The following GOLGA7 variants were observed in gnomAD, a reference collection of about 807,000 sequenced individuals.
GOLGA7 encodes the protein golgin A7, also known as golgin subfamily A member 7.
In GOLGA7, 10 loss-of-function variants were observed where a neutral mutation model predicts 21.1. The observed-to-expected ratio is 0.47, with a 90% CI of 0.29 to 0.80. The LOEUF (loss-of-function observed/expected upper bound fraction) is 0.80. Ranked by LOEUF, GOLGA7 falls within the 30% of genes least tolerant of loss-of-function variation. The pLI is 0.08. For missense variants in GOLGA7, 114 were observed against 166.8 expected, an observed-to-expected ratio of 0.68 and a Z score of 1.74; for synonymous variants, 64 against 62.6, an observed-to-expected ratio of 1.02 and a Z score of -0.10.
At chr8:41,499,070 G>C (rs558342844) in intron 2 of GOLGA7, among the ~76,000 whole-genome samples, 1 of 152,318 alleles carries the variant, frequency 6.6e-6, no homozygotes, top group East Asian at 1.9e-4. Context: ...CATATAAACA[G>C]GTATATTTAA....
chr8:41,500,117 C>T (rs993435646), intron 2 of GOLGA7, among the ~76,000 whole-genome samples: 1 of 152,190 alleles, frequency 6.6e-6, no homozygotes, highest in Non-Finnish European at 1.5e-5. Flanking sequence ...TGGGACATAA[C>T]GGAACAGGGC....
At position 41,495,264 on chromosome 8, in the gene GOLGA7, A is replaced by G. The variant is rs1432065634; in HGVS notation, c.112-2245A>G. Among the ~76,000 whole-genome samples, 5 of 148,642 alleles carry G rather than the reference A, an allele frequency of 3.4e-5. No individual in the cohort carries two copies. In the East Asian group the frequency reaches 9.9e-4, roughly 29 times the overall value. ...GGGAATAGTGAATAGTAGGGCTCAT[A>G]CTGTATGTTGAGGGTTTTTTTTCTT... On this transcript the variant is annotated intron_variant, in intron 1 of 4. Transcript: ENST00000357743.
At chr8:41,506,187 T>C (rs1296486862) in intron 3 of GOLGA7, among the ~76,000 whole-genome samples, 175 bp downstream of exon 3, 2 of 152,012 alleles carry the variant, frequency 1.3e-5, no homozygotes, top group East Asian at 1.9e-4. Flanking sequence ...TTTTAAAGCA[T>C]GTCCCTCCTT....
intron 2 of GOLGA7, among the ~76,000 whole-genome samples, chr8:41,501,478 A>G (rs1363663942): frequency 6.6e-6 from 1 of 152,114 alleles, no homozygotes; most frequent in East Asian, 1.9e-4. Flanking sequence ...TCCTGGCCTC[A>G]AGTAATCCAC....
intron 1 of GOLGA7, among the ~76,000 whole-genome samples, chr8:41,495,311 GTC>G: frequency 6.6e-6 from 1 of 151,090 alleles, no homozygotes; most frequent in South Asian, 2.1e-4. Flanking sequence ...TTGAGACAGG[GTC>G]TCACTCTGTC....
intron 4 of GOLGA7, 37 bp downstream of exon 4, chr8:41,507,158 G>GCTGCATA (rs1387335589): frequency 1.2e-6 from 1 of 818,314 alleles, no homozygotes; most frequent in Non-Finnish European, 2.2e-6. Context: ...TGCAGCTTTT[G>GCTGCATA]CAAGTTTAGA....
At chr8:41,498,681 G>A (rs920557986) in intron 2 of GOLGA7, among the ~76,000 whole-genome samples, 4 of 152,036 alleles carry the variant, frequency 2.6e-5, no homozygotes, top group African/African-American at 9.7e-5. Flanking sequence ...CTGTTTTCTG[G>A]CACTTGCCTC....
At chr8:41,500,426 G>A (rs1268082555) in intron 2 of GOLGA7, among the ~76,000 whole-genome samples, 4 of 152,168 alleles carry the variant, frequency 2.6e-5, no homozygotes, top group Non-Finnish European at 4.4e-5. Flanking sequence ...AGAAGGTGAT[G>A]CACAGGAGAG....
chr8:41,502,377 C>CTT (rs554589145), intron 2 of GOLGA7, among the ~76,000 whole-genome samples: 28 of 152,286 alleles, frequency 1.8e-4, no homozygotes, highest in Non-Finnish European at 2.9e-4. Context: ...AGTGCTTATA[C>CTT]TTTGTCATGT....
intron 1 of GOLGA7, among the ~76,000 whole-genome samples, chr8:41,496,499 A>G (rs1189045543): frequency 1.3e-5 from 2 of 152,172 alleles, no homozygotes; most frequent in African/African-American, 4.8e-5. Context: ...GAAAGAGGTA[A>G]TAAGAATGAC....
At chr8:41,505,725 C>G in intron 2 of GOLGA7, 186 bp from the exon 3 acceptor site, 1 of 468,162 alleles carries the variant, frequency 2.1e-6, no homozygotes, top group Non-Finnish European at 3.8e-6. Context: ...GGAAGAGTCC[C>G]TCACACTTGG....
At chr8:41,491,338 T>C (rs537262555) in intron 1 of GOLGA7, among the ~76,000 whole-genome samples, 325 of 152,278 alleles carry the variant, frequency 2.1e-3, no homozygotes, top group Admixed American at 3.4e-3. Context: ...TTGTAAACTA[T>C]ATCCTCCTAC....
At chr8:41,498,649 C>T (rs570374923) in intron 2 of GOLGA7, among the ~76,000 whole-genome samples, 1 of 152,224 alleles carries the variant, frequency 6.6e-6, no homozygotes, top group Non-Finnish European at 1.5e-5. Flanking sequence ...TCTCTTGTGT[C>T]CCTACAACAT....
chr8:41,490,992 C>T, intron 1 of GOLGA7, 27 bp downstream of exon 1: 2 of 1,271,564 alleles, frequency 1.6e-6, no homozygotes, highest in Non-Finnish European at 2.2e-6. Flanking sequence ...CCCACGCCTG[C>T]TCTGGCGAGG....
At position 41,497,648 on chromosome 8, in the gene GOLGA7, C is replaced by A; in HGVS notation, c.251C>A (p.Thr84Asn). 6.5e-7 allele frequency: 1 copy of A among 1,544,012 alleles called. No individual in the cohort carries two copies. The highest frequency in any genetic ancestry group is 8.9e-7 in the Non-Finnish European group (1 of 1,126,156). The part of the protein sequence containing the change: ...TAYTIFLCME[T>N]HYEKVLKKVS... ...TATACCATCTTCCTATGCATGGAAA[C>A]TCATTATGAGAAGGTAATGCTACAT... The change falls in exon 2 of 5, where the codon ACT becomes AAT. Residue 84 changes from threonine to asparagine, a missense_variant. Thr to Asn is a moderately conservative substitution (Grantham distance 65). Coordinates refer to ENST00000357743, the MANE Select transcript of GOLGA7 (RefSeq NM_001002296.2).
chr8:41,500,667 C>T (rs957030285), intron 2 of GOLGA7, among the ~76,000 whole-genome samples: 19 of 152,208 alleles, frequency 1.2e-4, no homozygotes, highest in African/African-American at 3.6e-4. Context: ...TGGGCTCAAG[C>T]GATCCTCTCA....
intron 3 of GOLGA7, among the ~76,000 whole-genome samples, chr8:41,506,327 A>T (rs1481091121): frequency 2.0e-5 from 3 of 152,126 alleles, no homozygotes; most frequent in African/African-American, 7.2e-5. Context: ...AGAAACCCTG[A>T]ACCTGAAGCC....
chr8:41,503,994 T>G, intron 2 of GOLGA7, among the ~76,000 whole-genome samples: 1 of 145,730 alleles, frequency 6.9e-6, no homozygotes, highest in Non-Finnish European at 1.5e-5. Flanking sequence ...CGGGGAGGGA[T>G]AGCATTGGGA....
At chr8:41,504,138 AAAAC>A (rs1806224485) in intron 2 of GOLGA7, among the ~76,000 whole-genome samples, 4 of 107,774 alleles carry the variant, frequency 3.7e-5, no homozygotes, top group African/African-American at 1.4e-4. Flanking sequence ...AAAAAAAAAC[AAAAC>A]AAAACAAAAA....
Sources: gnomAD v4.1 joint callset for allele counts (sites outside exome capture counted in the v4.1 genomes callset) on GRCh38, gnomAD v4.1.1 for gene constraint, MANE v1.5 for transcripts, NCBI Gene and HGNC (gene_info 2026-07-23, HGNC 2026-07-21) for gene names.